Variants in KCNAB2 observed in about 807,000 individuals in gnomAD.
The protein encoded by KCNAB2 is potassium voltage-gated channel subfamily A regulatory beta subunit 2, also known as voltage-gated potassium channel subunit beta-2.
KCNAB2 carries 29 observed loss-of-function variants against 63.6 expected under a neutral mutation model. The ratio of observed to expected loss-of-function variants is 0.46; its 90% CI spans 0.34 to 0.62. The LOEUF (loss-of-function observed/expected upper bound fraction) is 0.62. KCNAB2 is among the 20% of genes least tolerant of loss of function. The probability of loss-of-function intolerance (pLI) is 0.01; values close to 1 mark genes in which losing one functional copy is unlikely to be tolerated. For missense variants in KCNAB2, 359 were observed against 563.9 expected, an observed-to-expected ratio of 0.64 and a Z score of 3.68; for synonymous variants, 222 against 224.2, an observed-to-expected ratio of 0.99 and a Z score of 0.09.
Position 6,017,167 on chromosome 1 carries a change from T to C in KCNAB2, c.-52-23350T>C, listed in dbSNP as rs74049350. 2.5e-3 allele frequency among the ~76,000 whole-genome samples: 383 copies of C among 151,294 alleles called. 2 individuals are homozygous for C. Among genetic ancestry groups the C allele is most frequent in the African/African-American group, 8.9e-3 (368 of 41,168 alleles). On this transcript the variant is annotated intron_variant, in intron 1 of 16. Coordinates refer to the KCNAB2 transcript ENST00000341524. ...GGCAAATAGGGCTGGGGACGCAGGGTGCGTAGAGCAGAGGTGTAGATTCTG... is the reference window on the plus strand; with the variant it reads ...GGCAAATAGGGCTGGGGACGCAGGGCGCGTAGAGCAGAGGTGTAGATTCTG...
chr1:6,098,518 G>A lies in KCNAB2; in HGVS notation c.1192G>A (p.Glu398Lys). 1.9e-6 allele frequency: 3 copies of A among 1,613,970 alleles called. No homozygotes were observed. Among genetic ancestry groups the A allele is most frequent in the Non-Finnish European group, 2.5e-6 (3 of 1,179,992 alleles). The change falls in exon 16 of 16, where the codon GAG becomes AAG. Residue 398 changes from glutamate (E) to lysine (K), a missense_variant. Physicochemically the swap from Glu to Lys is moderately conservative, Grantham distance 56. Around this residue, in one of 2 missense-constraint regions of KCNAB2, gnomAD observed 271 missense variants for 476.1 expected, o/e 0.57. Coordinates refer to ENST00000378083, the MANE Select transcript of KCNAB2 (RefSeq NM_001199862.2). ...LPKLSSSIIH[E>K]IDSILGNKPY... ...GAAACTGTCATCTTCCATTATCCAC[G>A]AGATTGATAGTATTTTGGGCAATAA...
Position 6,092,782 on chromosome 1 carries a change from C to T in KCNAB2, c.646+1475C>T, listed in dbSNP as rs1391265027. Among the ~76,000 whole-genome samples, 6 of 152,330 alleles carry T rather than the reference C, an allele frequency of 3.9e-5. No individual in the cohort carries two copies. The East Asian group carries it at 1.2e-3, about 29-fold the overall frequency. On this transcript the variant is annotated intron_variant, in intron 10 of 15. Coordinates refer to ENST00000378083, the MANE Select transcript of KCNAB2 (RefSeq NM_001199862.2). ...GAGTTCAGACTCCCTCCCAGATCTC[C>T]ACCCCCAGGAGGGGACAGAGAGGAT...
At chr1:6,009,501 G>A (rs1331443147) in intron 1 of KCNAB2, among the ~76,000 whole-genome samples, 1 of 152,242 alleles carries the variant, frequency 6.6e-6, no homozygotes, top group Non-Finnish European at 1.5e-5. Context: ...TGCCAGGACT[G>A]GCCTGGAACA....
At chr1:6,047,648 G>A (rs1397312091) in intron 1 of KCNAB2, among the ~76,000 whole-genome samples, 1 of 152,208 alleles carries the variant, frequency 6.6e-6, no homozygotes, top group South Asian at 2.1e-4. Flanking sequence ...GCCTTTTGGA[G>A]CCTGGGCCTT....
At chr1:6,094,859 C>T (rs1348995615) in intron 11 of KCNAB2, among the ~76,000 whole-genome samples, 4 of 152,234 alleles carry the variant, frequency 2.6e-5, no homozygotes, top group Non-Finnish European at 5.9e-5. Context: ...GTGACAACAC[C>T]GTCAGCTGTT....
rs1664802129 is a variant in KCNAB2 at position 6,087,497 on chromosome 1, C to T, written c.456C>T (p.Ile152=). Residue 152 remains isoleucine (I), a synonymous_variant, in exon 7 of 16, where the codon ATC becomes ATT. Coordinates refer to ENST00000378083, the MANE Select transcript of KCNAB2 (RefSeq NM_001199862.2). This position sits in a 1 kb window ranked among gnomAD's most constrained non-coding sequence, Gnocchi z 6.4. ...CCAGCCTCGTCATCACCACCAAGATCTTCTGGGGCGGAAAGTAGGTGCAAC... is the reference window on the plus strand; with the variant it reads ...CCAGCCTCGTCATCACCACCAAGATTTTCTGGGGCGGAAAGTAGGTGCAAC... ...RRSSLVITTK[I]FWGGKAETER... 6.2e-7 allele frequency: 1 copy of T among 1,614,206 alleles called. No homozygotes were observed. The highest frequency in any genetic ancestry group is 1.3e-5 in the African/African-American group (1 of 75,068).
chr1:6,072,750 T>C lies in KCNAB2; in HGVS notation c.219-5T>C. 6.2e-7 allele frequency: 1 copy of C among 1,613,840 alleles called. No homozygotes were observed. On this transcript the variant is annotated splice_region_variant and splice_polypyrimidine_tract_variant and intron_variant, in intron 2 of 15. Coordinates refer to ENST00000378083, the MANE Select transcript of KCNAB2 (RefSeq NM_001199862.2). ...CTGAGAACTCACGTGGCGTTTGTTT[T>C]TCAGGAACCTGGGCAAGTCTGGCCT... is the stretch of plus-strand genomic sequence containing the variant.
At chr1:6,047,247 T>C (rs1367932979) in intron 1 of KCNAB2, among the ~76,000 whole-genome samples, 1 of 152,096 alleles carries the variant, frequency 6.6e-6, no homozygotes, top group African/African-American at 2.4e-5. Flanking sequence ...AGCCCGGCAG[T>C]GGGGCCACTC....
chr1:6,033,570 T>C (rs186474997), upstream of KCNAB2, among the ~76,000 whole-genome samples: 2 of 152,162 alleles, frequency 1.3e-5, no homozygotes, highest in East Asian at 3.9e-4. Flanking sequence ...AGACAAGAGG[T>C]AAACAATTGG....
At chr1:6,075,924 A>T (rs1013075719) in intron 4 of KCNAB2, among the ~76,000 whole-genome samples, 19 of 152,198 alleles carry the variant, frequency 1.2e-4, no homozygotes, top group African/African-American at 4.3e-4. Context: ...TCCTGTCTCT[A>T]TGAACTCTGC....
At chr1:6,092,700 C>A (rs1665291659) in intron 10 of KCNAB2, among the ~76,000 whole-genome samples, 1 of 152,244 alleles carries the variant, frequency 6.6e-6, no homozygotes, top group Admixed American at 6.5e-5. Flanking sequence ...CCAGGCACTT[C>A]CTGAGGGTCT....
chr1:6,035,636 G>A lies in KCNAB2; in HGVS notation c.-53+842G>A, dbSNP rs1476834756. On this transcript the variant is annotated intron_variant, in intron 1 of 15. Transcript: ENST00000164247. This position sits in a 1 kb window ranked among gnomAD's most constrained non-coding sequence, Gnocchi z 5.0. Reference sequence around the variant, plus strand: ...TCTGGGGCCACCCTGGGAAGAACTGGGCTGGGGGTGAGGGCAGTCGGGAGC... The same window carrying A: ...TCTGGGGCCACCCTGGGAAGAACTGAGCTGGGGGTGAGGGCAGTCGGGAGC... 6.6e-6 allele frequency among the ~76,000 whole-genome samples: 1 copy of A among 152,120 alleles called. No individual in the cohort carries two copies. Among genetic ancestry groups the A allele is most frequent in the Admixed American group, 6.6e-5 (1 of 15,264 alleles).
At position 6,072,922 on chromosome 1, in the gene KCNAB2, C is replaced by T. The variant is rs778187742; in HGVS notation, c.262+124C>T. 1.1e-5 allele frequency: 9 copies of T among 824,160 alleles called. No individual in the cohort carries two copies. In the African/African-American group the frequency reaches 1.2e-4, roughly 11 times the overall value. 51.1% of individuals were successfully genotyped at this position (824,160 alleles called of 1,614,324 possible). ...AACCTTGGCACTCCCCAGGGAGTAG[C>T]TGCACCCAGAGCCCAGGATTCAGGG... On this transcript the variant is annotated intron_variant, in intron 3 of 15. Coordinates refer to ENST00000378083, the MANE Select transcript of KCNAB2 (RefSeq NM_001199862.2).
At chr1:6,032,817 T>C (rs1023173569), upstream of KCNAB2, among the ~76,000 whole-genome samples, 1 of 152,124 alleles carries the variant, frequency 6.6e-6, no homozygotes, top group Non-Finnish European at 1.5e-5. Flanking sequence ...ATCCTGAAGC[T>C]ACAATCAGAC....
chr1:6,006,589 A>T (rs377500861), intron 1 of KCNAB2, among the ~76,000 whole-genome samples: 30 of 1,184 alleles, frequency 0.025, 14 homozygotes, highest in African/African-American at 0.1. Context: ...CCCCCACTTC[A>T]CCCTCACCCC....
At chr1:6,090,527 G>A (rs751776683) in intron 9 of KCNAB2, 52 bp downstream of exon 9, 1 of 1,435,556 alleles carries the variant, frequency 7.0e-7, no homozygotes, top group Non-Finnish European at 9.7e-7. Flanking sequence ...GGTCTGAAGG[G>A]TCTGAACCTG....
intron 2 of KCNAB2, among the ~76,000 whole-genome samples, chr1:6,066,132 G>A (rs1340175545): frequency 6.6e-6 from 1 of 152,208 alleles, no homozygotes; most frequent in Non-Finnish European, 1.5e-5. Flanking sequence ...CGGCTGGGCC[G>A]ACCGGCGGCC....
Position 6,028,331 on chromosome 1 carries a change from C to T in KCNAB2, c.-52-12186C>T, listed in dbSNP as rs1166191436. Among the ~76,000 whole-genome samples, 1 of 152,210 alleles carries T rather than the reference C, an allele frequency of 6.6e-6. No homozygotes were observed. Among genetic ancestry groups the T allele is most frequent in the Non-Finnish European group, 1.5e-5 (1 of 68,044 alleles). On this transcript the variant is annotated intron_variant, in intron 1 of 16. Coordinates refer to the KCNAB2 transcript ENST00000341524. This position sits in a 1 kb window ranked among gnomAD's most constrained non-coding sequence, Gnocchi z 4.0. ...TGGAAGCACAGTCACTGCCATGGCT[C>T]CTCTAGGCTCTGGCACGCAGAACAA...
intron 2 of KCNAB2, among the ~76,000 whole-genome samples, chr1:6,052,173 G>A (rs918873695): frequency 3.3e-5 from 5 of 152,148 alleles, no homozygotes; most frequent in African/African-American, 1.2e-4. Flanking sequence ...TGTAATACCA[G>A]CACTTTGGGA....
Sources: allele counts gnomAD v4.1 joint callset (sites outside exome capture counted in the v4.1 genomes callset), GRCh38; gene constraint gnomAD v4.1.1; regional missense constraint gnomAD v4.1.1; non-coding constraint Gnocchi (gnomAD v3.1); transcripts MANE v1.5; gene names NCBI Gene and HGNC (gene_info 2026-07-23, HGNC 2026-07-21).